FBLN1: variants seen among roughly 807,000 people sequenced by gnomAD.
FBLN1 encodes the protein fibulin 1.
In FBLN1, 34 loss-of-function variants were observed where a neutral mutation model predicts 89.7. That is an observed-to-expected ratio of 0.38 (90% CI 0.29 to 0.50). FBLN1 has a LOEUF of 0.50. FBLN1 is among the 20% of genes least tolerant of loss of function. FBLN1 has a pLI of 0.92. For synonymous variants in FBLN1, 393 were observed against 391.3 expected (o/e 1.00, Z -0.05); for missense variants, 777 against 988.1 (o/e 0.79, Z 2.86).
At chr22:45,569,847 G>A (rs558641509) in intron 14 of FBLN1, among the ~76,000 whole-genome samples, 25 of 152,168 alleles carry the variant, frequency 1.6e-4, no homozygotes, top group African/African-American at 6.0e-4. Flanking sequence ...CATTTCTCTT[G>A]GTTAGGCCAC....
In FBLN1 at chr22:45,557,394, G is replaced by C. The variant is rs1446022974; in HGVS notation, c.1697+6779G>C. On this transcript the variant is annotated intron_variant, in intron 14 of 16. Transcript: ENST00000327858. This position sits in a 1 kb window ranked among gnomAD's most constrained non-coding sequence, Gnocchi z 4.9. ...ATAATCAACCTGCCACCAGGTAGCT[G>C]GCTGATCACCCCGAGGCATGGTGCC... Among the ~76,000 whole-genome samples, 1 of 152,168 alleles carries C rather than the reference G, an allele frequency of 6.6e-6. No homozygotes were observed. Among genetic ancestry groups the C allele is most frequent in the African/African-American group, 2.4e-5 (1 of 41,430 alleles).
rs370501384 is a variant in FBLN1, at chr22:45,548,666, A to G, written c.1495A>G (p.Ile499Val). The change falls in exon 13 of 17, where the codon ATC becomes GTC. Residue 499 changes from isoleucine to valine, a missense_variant. Physicochemically the swap from Ile to Val is conservative, Grantham distance 29. Transcript: ENST00000327858. Reference protein sequence around the residue: ...TGGHICSYRCINIPGSFQCSC... With the variant: ...TGGHICSYRCVNIPGSFQCSC... Reference sequence around the variant, plus strand: ...GGGCCACATCTGCTCCTACCGCTGCATCAACATCCCTGGAAGCTTCCAGTG... The same window carrying G: ...GGGCCACATCTGCTCCTACCGCTGCGTCAACATCCCTGGAAGCTTCCAGTG... 2.5e-6 allele frequency: 4 copies of G among 1,613,760 alleles called. No homozygotes were observed. The highest frequency in any genetic ancestry group is 1.3e-5 in the African/African-American group (1 of 74,942).
Position 45,537,675 on chromosome 22 carries a change from G to A in FBLN1, c.922+2338G>A, listed in dbSNP as rs556189291. Among the ~76,000 whole-genome samples, 292 of 152,002 alleles carry A rather than the reference G, an allele frequency of 1.9e-3. No individual in the cohort carries two copies. The highest frequency in any genetic ancestry group is 6.9e-3 in the African/African-American group (286 of 41,510). The stretch of plus-strand genomic sequence containing the variant: ...GGAACAGTGAGCCCTTAGGACAGGG[G>A]CCTCGTCTGAAACCCGCCCCAGCCT... On this transcript the variant is annotated intron_variant, in intron 8 of 16. Transcript: ENST00000327858. This position sits in a 1 kb window ranked among gnomAD's most constrained non-coding sequence, Gnocchi z 5.7.
Position 45,597,542 on chromosome 22 carries a change from C to T in FBLN1, c.1973-2765C>T, listed in dbSNP as rs60115401. 0.29 allele frequency among the ~76,000 whole-genome samples: 44,114 copies of T among 151,950 alleles called. 9,394 individuals are homozygous for T. Among genetic ancestry groups the T allele is most frequent in the African/African-American group, 0.6 (24,956 of 41,392 alleles). ...AAAAATATGACATACAGGGGGCCCA[C>T]GGGGGTACGTTAGGTTCAGCCCTGT... is the stretch of plus-strand genomic sequence containing the variant. On this transcript the variant is annotated intron_variant, in intron 16 of 16. Coordinates refer to ENST00000327858, the MANE Select transcript of FBLN1 (RefSeq NM_006486.3). The surrounding 1 kb of genome is among the most constrained non-coding windows in gnomAD (Gnocchi z 4.2).
At chr22:45,547,052 G>C (rs974343262) in intron 11 of FBLN1, 33 bp from the exon 12 acceptor site, 14 of 1,613,618 alleles carry the variant, frequency 8.7e-6, no homozygotes, top group Middle Eastern at 1.6e-4. Context: ...GACGTATGAT[G>C]CTCTGAGCGG....
intron 2 of FBLN1, chr22:45,523,228 G>C (rs755232653): frequency 5.3e-6 from 4 of 756,578 alleles, no homozygotes; most frequent in African/African-American, 5.1e-5. Context: ...GGCGGCCAGG[G>C]TGGCTGGAGT....
Position 45,550,925 on chromosome 22 carries a change from T to C in FBLN1, c.1697+310T>C. ...GGGTGGAAGCCTTGGGCAAGCTCTC[T>C]GGGCCTCAGTTTCCTCATCTGTAAC... On this transcript the variant is annotated intron_variant, in intron 14 of 16. Transcript: ENST00000327858. This position sits in a 1 kb window ranked among gnomAD's most constrained non-coding sequence, Gnocchi z 8.4. 1 of 451,962 alleles carries C rather than the reference T, an allele frequency of 2.2e-6. No individual in the cohort carries two copies. Among genetic ancestry groups the C allele is most frequent in the Non-Finnish European group, 4.1e-6 (1 of 243,284 alleles). 28.0% of individuals were successfully genotyped at this position (451,962 alleles called of 1,614,324 possible).
chr22:45,556,238 C>T lies in FBLN1; in HGVS notation c.1697+5623C>T, dbSNP rs886965781. On this transcript the variant is annotated intron_variant, in intron 14 of 16. Transcript: ENST00000327858. The surrounding 1 kb of genome is among the most constrained non-coding windows in gnomAD (Gnocchi z 4.6). ...CTTGAGCTCCTGACCTCAAGTGATC[C>T]TCCCGCCTCGGCCTCCCAAAATGCT... 3.3e-5 allele frequency among the ~76,000 whole-genome samples: 5 copies of T among 152,170 alleles called. No individual in the cohort carries two copies. The highest frequency in any genetic ancestry group is 7.3e-5 in the Non-Finnish European group (5 of 68,042).
chr22:45,586,475 C>T (rs538321493), intron 16 of FBLN1, among the ~76,000 whole-genome samples: 18 of 152,330 alleles, frequency 1.2e-4, no homozygotes, highest in African/African-American at 3.4e-4. Context: ...TCCACATCTG[C>T]GGTGTCACCG....
chr22:45,530,915 C>T lies in FBLN1; in HGVS notation c.485-350C>T, dbSNP rs544910950. Among the ~76,000 whole-genome samples the T allele has an allele frequency of 7.2e-5, 11 of 151,956 alleles. No individual in the cohort carries two copies. Among genetic ancestry groups the T allele is most frequent in the African/African-American group, 2.4e-4 (10 of 41,438 alleles). On this transcript the variant is annotated intron_variant, in intron 4 of 16. Transcript: ENST00000327858. The surrounding 1 kb of genome is among the most constrained non-coding windows in gnomAD (Gnocchi z 5.4). Reference sequence around the variant, plus strand: ...AGTACCTGAGATTACAGGTGCATGCCGCTACACCTGGCTAATTTTTGTATT... The same window carrying T: ...AGTACCTGAGATTACAGGTGCATGCTGCTACACCTGGCTAATTTTTGTATT...
At chr22:45,528,398 G>T in intron 4 of FBLN1, among the ~76,000 whole-genome samples, 1 of 151,980 alleles carries the variant, frequency 6.6e-6, no homozygotes, top group East Asian at 1.9e-4. Context: ...GGAGTGCAGT[G>T]CAGTGGTGTG....
rs17852050 is a variant in FBLN1 at position 45,548,732 on chromosome 22, C to T, written c.1561C>T (p.Arg521Cys). The change falls in exon 13 of 17, where the codon CGC becomes TGC. Residue 521 changes from arginine (R) to cysteine (C), a missense_variant. By Grantham distance (180) the Arg-to-Cys change is radical. Transcript: ENST00000327858. ...TGGCTACAGGCTGGCCCCCAATGGCCGCAACTGCCAAGGTGAGCAGGAGGG... is the reference window on the plus strand; with the variant it reads ...TGGCTACAGGCTGGCCCCCAATGGCTGCAACTGCCAAGGTGAGCAGGAGGG... The part of the protein sequence containing the change: ...SSGYRLAPNG[R>C]NCQDIDECVT... 5 of 1,613,148 alleles carry T rather than the reference C, an allele frequency of 3.1e-6. No individual in the cohort carries two copies. The highest frequency in any genetic ancestry group is 1.3e-5 in the African/African-American group (1 of 74,926).
chr22:45,525,907 GC>G (rs1277887335), intron 3 of FBLN1, among the ~76,000 whole-genome samples: 1 of 152,246 alleles, frequency 6.6e-6, no homozygotes, highest in African/African-American at 2.4e-5. Flanking sequence ...CTCCCACGAG[GC>G]CGGGGGGTGA....
rs2089130277 is a variant in FBLN1, at chr22:45,590,826, A to G, written c.1973-9481A>G. ...AGAGTGAGGGGTAGGGGAGGAAGGG[A>G]AGTGGGTTTAAGGGAGGAGGGTAGG... On this transcript the variant is annotated intron_variant, in intron 16 of 16. Coordinates refer to ENST00000327858, the MANE Select transcript of FBLN1 (RefSeq NM_006486.3). This position sits in a 1 kb window ranked among gnomAD's most constrained non-coding sequence, Gnocchi z 4.1. 1.3e-5 allele frequency among the ~76,000 whole-genome samples: 2 copies of G among 151,740 alleles called. No homozygotes were observed.
At chr22:45,546,814 G>A (rs143185313) in intron 11 of FBLN1, among the ~76,000 whole-genome samples, 4 of 152,322 alleles carry the variant, frequency 2.6e-5, no homozygotes, top group African/African-American at 9.6e-5. Context: ...CAGCCAGGTC[G>A]GGGCAGACTT....
intron 14 of FBLN1, among the ~76,000 whole-genome samples, chr22:45,569,642 A>AAG: frequency 6.7e-6 from 1 of 149,858 alleles, no homozygotes; most frequent in South Asian, 2.1e-4. Context: ...CTGTCTCAAA[A>AAG]AAGAAGAAGA....
intron 14 of FBLN1, among the ~76,000 whole-genome samples, chr22:45,553,448 G>A (rs972257921): frequency 6.6e-6 from 1 of 152,194 alleles, no homozygotes; most frequent in South Asian, 2.1e-4. Flanking sequence ...ATGACAACCC[G>A]TCCCTGACCT....
intron 2 of FBLN1, among the ~76,000 whole-genome samples, chr22:45,524,653 G>A (rs917334093): frequency 1.3e-5 from 2 of 152,188 alleles, no homozygotes; most frequent in African/African-American, 4.8e-5. Flanking sequence ...GCCCCCCGCC[G>A]CTTTTTGGTT....
Position 45,560,804 on chromosome 22 carries a change from C to T in FBLN1, c.1697+10189C>T, listed in dbSNP as rs189170642. Among the ~76,000 whole-genome samples the T allele has an allele frequency of 9.9e-5, 15 of 152,242 alleles. No individual in the cohort carries two copies. In the East Asian group the frequency reaches 1.3e-3, roughly 14 times the overall value. On this transcript the variant is annotated intron_variant, in intron 14 of 16. Coordinates refer to ENST00000327858, the MANE Select transcript of FBLN1 (RefSeq NM_006486.3). ...ACTCTCAACCTCATCTCTAGGGGCC[C>T]GCCAGGACTTTAGTCTAGTTATAGG...
Sources: gnomAD v4.1 joint callset for allele counts (sites outside exome capture counted in the v4.1 genomes callset) on GRCh38, gnomAD v4.1.1 for gene constraint, Gnocchi (gnomAD v3.1) non-coding constraint, MANE v1.5 for transcripts, NCBI Gene and HGNC (gene_info 2026-07-23, HGNC 2026-07-21) for gene names.